Variants in EPB41 observed in about 807,000 individuals in gnomAD.
EPB41 encodes the protein protein 4.1.
In EPB41, 65 loss-of-function variants were observed where a neutral mutation model predicts 108.0. The observed-to-expected ratio is 0.60, with a 90% CI of 0.49 to 0.74. The LOEUF is 0.74. Among genes scored for constraint, EPB41 ranks in the 30% least tolerant of loss-of-function variants. EPB41 has a pLI of 0.00. For synonymous variants in EPB41, 336 were observed against 358.9 expected, an observed-to-expected ratio of 0.94 and a Z score of 0.72; for missense variants, 875 against 1,037.0, an observed-to-expected ratio of 0.84 and a Z score of 2.15.
intron 8 of EPB41, among the ~76,000 whole-genome samples, chr1:29,032,743 A>G (rs934561764): frequency 6.6e-6 from 1 of 152,178 alleles, no homozygotes; most frequent in African/African-American, 2.4e-5. Context: ...CTTAACATCA[A>G]TTTTAAGAAC....
intron 1 of EPB41, among the ~76,000 whole-genome samples, chr1:28,954,491 A>G (rs552966315): frequency 1.3e-5 from 2 of 152,318 alleles, no homozygotes; most frequent in Admixed American, 6.5e-5. Flanking sequence ...CCATTAGCCA[A>G]TGTATGTGTG....
chr1:29,015,655 G>T, intron 5 of EPB41, 37 bp from the exon 6 acceptor site: 2 of 1,225,268 alleles, frequency 1.6e-6, no homozygotes, highest in East Asian at 2.3e-5. Context: ...AGAAACTTAG[G>T]TATAAACGTA....
In EPB41 at chr1:29,108,927, G is replaced by A. The variant is rs533464719; in HGVS notation, c.2314-409G>A. Among the ~76,000 whole-genome samples, 38 of 151,620 alleles carry A rather than the reference G, an allele frequency of 2.5e-4. No homozygotes were observed. In the East Asian group the frequency reaches 5.5e-3, roughly 22 times the overall value. On this transcript the variant is annotated intron_variant, in intron 17 of 20. Transcript: ENST00000343067. ...AAAAGAGGTTACCCTGGCCGGGTGC[G>A]GTAGCTCACACCTGTAATGCCAGTA...
At chr1:28,970,710 T>C (rs931853035) in intron 1 of EPB41, among the ~76,000 whole-genome samples, 1 of 152,228 alleles carries the variant, frequency 6.6e-6, no homozygotes, top group African/African-American at 2.4e-5. Context: ...GAAGGTCACT[T>C]ACCTTATAGC....
Position 29,029,794 on chromosome 1 carries a change from A to G in EPB41, c.1125-606A>G, listed in dbSNP as rs550834341. Among the ~76,000 whole-genome samples the G allele has an allele frequency of 1.0e-3, 152 of 152,282 alleles. 1 individual carries two copies. The highest frequency in any genetic ancestry group is 1.5e-4 in the Non-Finnish European group (10 of 68,024). ...AACAGAGAAAACAGCCCCATTATCT[A>G]TGTGCTTCCGTGAACCAGTTTATTT... is the stretch of plus-strand genomic sequence containing the variant. On this transcript the variant is annotated intron_variant, in intron 7 of 20. Transcript: ENST00000343067.
intron 7 of EPB41, among the ~76,000 whole-genome samples, chr1:29,021,149 C>G (rs1572588450): frequency 2.0e-5 from 3 of 152,242 alleles, no homozygotes; most frequent in East Asian, 1.9e-4. Context: ...TTATAACCAC[C>G]CTTTGAGTTA....
At position 28,900,167 on chromosome 1, in the gene EPB41, T is replaced by C. The variant is rs1191237983; in HGVS notation, c.-8+12957T>C. ...GAGAAATGTACAGGATTGATTGAAT[T>C]ATTCATTCATTCAATAAATATTTAG... On this transcript the variant is annotated intron_variant, in intron 1 of 16. Coordinates refer to the EPB41 transcript ENST00000347529. Among the ~76,000 whole-genome samples the C allele has an allele frequency of 2.6e-5, 4 of 152,208 alleles. No homozygotes were observed. In the East Asian group the frequency reaches 7.7e-4, roughly 29 times the overall value.
At chr1:28,980,579 T>A (rs575216577) in intron 1 of EPB41, among the ~76,000 whole-genome samples, 1 of 151,512 alleles carries the variant, frequency 6.6e-6, no homozygotes, top group Admixed American at 6.6e-5. Flanking sequence ...TAGCTGGGCA[T>A]GGTTGTGTGT....
intron 6 of EPB41, among the ~76,000 whole-genome samples, chr1:29,016,481 A>G (rs1271827244): frequency 6.6e-6 from 1 of 151,046 alleles, no homozygotes; most frequent in African/African-American, 2.4e-5. Context: ...GAGCCACTGC[A>G]CCCGGCCCCA....
chr1:29,007,394 A>G (rs1406866027), intron 4 of EPB41, among the ~76,000 whole-genome samples: 1 of 152,158 alleles, frequency 6.6e-6, no homozygotes, highest in African/African-American at 2.4e-5. Flanking sequence ...TCTGTTGGAC[A>G]TGTTCCTAGG....
At chr1:28,890,488 A>G (rs1213244503) in intron 1 of EPB41, among the ~76,000 whole-genome samples, 2 of 152,080 alleles carry the variant, frequency 1.3e-5, no homozygotes, top group African/African-American at 2.4e-5. Flanking sequence ...GCCTATTACT[A>G]TAGCCTCGGG....
At chr1:29,033,644 A>G (rs1180636115) in intron 9 of EPB41, among the ~76,000 whole-genome samples, 2 of 152,140 alleles carry the variant, frequency 1.3e-5, no homozygotes, top group Non-Finnish European at 2.9e-5. Context: ...ATTTGTATGC[A>G]TAGCTTCTCG....
Position 29,065,135 on chromosome 1 carries a change from G to A in EPB41, c.2161G>A (p.Gly721Arg), listed in dbSNP as rs757405447. The A allele has an allele frequency of 1.2e-6, 2 of 1,607,198 alleles. No individual in the cohort carries two copies. Among genetic ancestry groups the A allele is most frequent in the South Asian group, 2.2e-5 (2 of 90,446 alleles). ...HSPFRTLNINGQIPTGEGPPL... is the reference protein window; with the variant it reads ...HSPFRTLNINRQIPTGEGPPL... ...ACCCTTCCGAACTCTTAACATCAAT[G>A]GGCAAATCCCCACAGGAGAAGGAGT... The change falls in exon 16 of 21, where the codon GGG (glycine) becomes AGG (arginine). Residue 721 changes from glycine to arginine, a missense_variant. Transcript: ENST00000343067.
At chr1:29,014,265 T>C (rs2096548468) in intron 5 of EPB41, among the ~76,000 whole-genome samples, 1 of 151,896 alleles carries the variant, frequency 6.6e-6, no homozygotes, top group Admixed American at 6.6e-5. Context: ...TGCAGTGAGC[T>C]GAGATCATGC....
intron 1 of EPB41, among the ~76,000 whole-genome samples, chr1:28,923,102 T>C (rs1460052289): frequency 7.5e-6 from 1 of 134,002 alleles, no homozygotes; most frequent in African/African-American, 2.9e-5. Flanking sequence ...CTTTCCTTTC[T>C]TTTCTTTTCT....
chr1:28,903,860 TG>T (rs377378353), intron 1 of EPB41, among the ~76,000 whole-genome samples: 62 of 151,510 alleles, frequency 4.1e-4, no homozygotes, highest in African/African-American at 1.4e-3. Context: ...GCAGTTTTTT[TG>T]TTGTTGTTGT....
chr1:28,977,978 A>G (rs1211222784), intron 1 of EPB41, among the ~76,000 whole-genome samples: 1 of 144,964 alleles, frequency 6.9e-6, no homozygotes, highest in Non-Finnish European at 1.5e-5. Context: ...AAGAACATAG[A>G]TGCAAACTCT....
intron 1 of EPB41, among the ~76,000 whole-genome samples, chr1:28,929,982 T>G (rs1047168855): frequency 6.6e-6 from 1 of 151,496 alleles, no homozygotes; most frequent in African/African-American, 2.4e-5. Context: ...CAATCTAATT[T>G]TTGAACATTT....
chr1:28,933,657 C>T (rs2148603222), intron 1 of EPB41, among the ~76,000 whole-genome samples: 1 of 152,222 alleles, frequency 6.6e-6, no homozygotes, highest in Admixed American at 6.5e-5. Flanking sequence ...AGCATTGATG[C>T]GTTCATAGAG....
Sources: gnomAD v4.1 joint callset for allele counts (sites outside exome capture counted in the v4.1 genomes callset) on GRCh38, gnomAD v4.1.1 for gene constraint, MANE v1.5 for transcripts, NCBI Gene and HGNC (gene_info 2026-07-23, HGNC 2026-07-21) for gene names.